CAMK4: variants seen among roughly 807,000 people sequenced by gnomAD.
CAMK4 encodes the protein calcium/calmodulin dependent protein kinase IV.
Under a neutral mutation model 44.9 loss-of-function variants are expected in CAMK4, and 22 were observed. The observed-to-expected ratio is 0.49, with a 90% CI of 0.35 to 0.70. The LOEUF (loss-of-function observed/expected upper bound fraction) is 0.70, where lower values mean the gene tolerates loss of function less well. Among genes scored for constraint, CAMK4 ranks in the 30% least tolerant of loss-of-function variants. CAMK4 has a pLI of 0.01. For missense variants in CAMK4, 498 were observed against 586.8 expected (o/e 0.85, Z 1.56); for synonymous variants, 218 against 215.4 (o/e 1.01, Z -0.11).
At position 111,451,732 on chromosome 5, in the gene CAMK4, A is replaced by G. The variant is rs1754244390; in HGVS notation, c.625+2529A>G. On this transcript the variant is annotated intron_variant, in intron 7 of 10. Coordinates refer to ENST00000282356, the MANE Select transcript of CAMK4 (RefSeq NM_001744.6). ...GAGCCTGGCCAACATGGTGAAAAAA[A>G]AAACAACAACAAAATAATTAGCTGG... Among the ~76,000 whole-genome samples, 3 of 152,218 alleles carry G rather than the reference A, an allele frequency of 2.0e-5. No homozygotes were observed. In the South Asian group the frequency reaches 6.2e-4, roughly 32 times the overall value.
At chr5:111,413,471 AGAGGCT>A (rs541628003) in intron 5 of CAMK4, among the ~76,000 whole-genome samples, 1 of 151,866 alleles carries the variant, frequency 6.6e-6, no homozygotes, top group African/African-American at 2.4e-5. Flanking sequence ...CAGCTACTAG[AGAGGCT>A]GAGGCAGAAG....
chr5:111,425,877 A>G (rs1398489743), intron 5 of CAMK4, among the ~76,000 whole-genome samples: 2 of 152,208 alleles, frequency 1.3e-5, no homozygotes, highest in Non-Finnish European at 2.9e-5. Context: ...GAAATGTATC[A>G]CGAGTTCTAA....
chr5:111,275,945 A>G (rs1175859531), intron 1 of CAMK4, among the ~76,000 whole-genome samples: 3 of 152,144 alleles, frequency 2.0e-5, no homozygotes, highest in African/African-American at 7.2e-5. Context: ...AGAGAATTTT[A>G]AGTTCAAAGT....
In CAMK4 at chr5:111,487,642, T is replaced by C. The variant is rs1156404567; in HGVS notation, c.*3176T>C. Reference sequence around the variant, plus strand: ...AATATTAAAATTTAATGTGATATTTTGAATTCTTTATTTTTATACTGTTTT... The same window carrying C: ...AATATTAAAATTTAATGTGATATTTCGAATTCTTTATTTTTATACTGTTTT... On this transcript the variant is annotated 3_prime_UTR_variant, in exon 11 of 11. Transcript: ENST00000282356. The C allele has an allele frequency of 6.6e-6, 1 of 152,230 alleles. No homozygotes were observed. The highest frequency in any genetic ancestry group is 1.5e-5 in the Non-Finnish European group (1 of 68,044). 9.4% of individuals were successfully genotyped at this position (152,230 alleles called of 1,614,324 possible). A position where few individuals can be genotyped will look rare whatever the true frequency, so the allele number is the denominator to read the frequency against.
intron 4 of CAMK4, among the ~76,000 whole-genome samples, chr5:111,391,523 T>TAA (rs879774691): frequency 5.6e-5 from 8 of 143,490 alleles, no homozygotes; most frequent in African/African-American, 7.7e-5. Context: ...AGAACACCCA[T>TAA]AAAAAAAAAA....
rs776287870 is a variant in CAMK4, at chr5:111,326,562, TA to T, written c.162-17453del. Among the ~76,000 whole-genome samples, 36 of 150,160 alleles carry T rather than the reference TA, an allele frequency of 2.4e-4. 1 individual carries two copies. The highest frequency in any genetic ancestry group is 3.2e-4 in the African/African-American group (13 of 41,092). The stretch of plus-strand genomic sequence containing the variant: ...TATTACACAATCTTTTGCAGAAAAT[TA>T]AAAAAAAATCTTCCACCTTTTTTTT... On this transcript the variant is annotated intron_variant, in intron 1 of 10. Transcript: ENST00000282356.
At chr5:111,344,163 A>C in intron 2 of CAMK4, 61 bp downstream of exon 2, 2 of 1,012,610 alleles carry the variant, frequency 2.0e-6, no homozygotes, top group Middle Eastern at 2.1e-4. Flanking sequence ...GAAGGCAGGA[A>C]CCTGATTTGA....
rs1491460124 is a variant in CAMK4, at chr5:111,336,479, TTA to T, written c.162-7543_162-7542del. 5.0e-4 allele frequency among the ~76,000 whole-genome samples: 56 copies of T among 111,708 alleles called. 3 individuals carry two copies. The South Asian group carries it at 0.013, about 25-fold the overall frequency. 73.3% of individuals were successfully genotyped at this position (111,708 alleles called of 152,430 possible). A position where few individuals can be genotyped will look rare whatever the true frequency, so the allele number is the denominator to read the frequency against. On this transcript the variant is annotated intron_variant, in intron 1 of 10. Transcript: ENST00000282356. Reference sequence around the variant, plus strand: ...ATTTAATTTCAATTAATAATATAGGTTATTTTTTTGAGAAACTGTTGAATTGT... The same window carrying T: ...ATTTAATTTCAATTAATAATATAGGTTTTTTTTGAGAAACTGTTGAATTGT...
Position 111,448,649 on chromosome 5 carries a change from C to A in CAMK4, c.551-480C>A, listed in dbSNP as rs542944164. 7.2e-5 allele frequency among the ~76,000 whole-genome samples: 11 copies of A among 152,044 alleles called. No homozygotes were observed. The South Asian group carries it at 1.2e-3, about 17-fold the overall frequency. On this transcript the variant is annotated intron_variant, in intron 6 of 10. Transcript: ENST00000282356. The stretch of plus-strand genomic sequence containing the variant: ...TGAAACTCCGTCTCTACTAAAAATA[C>A]AAAAAAATTAGCCGGGTGTGGTGGC...
chr5:111,292,697 G>A (rs1446390257), intron 1 of CAMK4, among the ~76,000 whole-genome samples: 1 of 152,042 alleles, frequency 6.6e-6, no homozygotes, highest in African/African-American at 2.4e-5. Context: ...TGGGGTGGGA[G>A]GATCACTTGA....
chr5:111,245,193 T>C (rs142062757), intron 1 of CAMK4, among the ~76,000 whole-genome samples: 127 of 152,320 alleles, frequency 8.3e-4, no homozygotes, highest in African/African-American at 2.8e-3. Flanking sequence ...GAAATATCTT[T>C]GATATTTATT....
chr5:111,328,575 G>A (rs1157812590), intron 1 of CAMK4, among the ~76,000 whole-genome samples: 2 of 152,034 alleles, frequency 1.3e-5, no homozygotes, highest in Non-Finnish European at 2.9e-5. Context: ...GATGGGGATG[G>A]CATTGAATCT....
intron 8 of CAMK4, 67 bp downstream of exon 8, chr5:111,473,453 A>C: frequency 3.1e-6 from 3 of 978,034 alleles, no homozygotes; most frequent in Non-Finnish European, 4.8e-6. Flanking sequence ...AGATACCTCT[A>C]ATGCTCATAA....
intron 4 of CAMK4, among the ~76,000 whole-genome samples, chr5:111,392,043 C>G (rs542966638): frequency 4.4e-5 from 2 of 45,966 alleles, no homozygotes; most frequent in East Asian, 2.3e-3. Flanking sequence ...TTATCTTTTT[C>G]AAGCTGTTCT....
chr5:111,230,834 A>G (rs572342230), intron 1 of CAMK4, among the ~76,000 whole-genome samples: 1 of 151,900 alleles, frequency 6.6e-6, no homozygotes, highest in South Asian at 2.1e-4. Context: ...AAAAAAATAA[A>G]GGGTTTTTTA....
intron 5 of CAMK4, among the ~76,000 whole-genome samples, chr5:111,400,988 T>C (rs573167581): frequency 6.6e-6 from 1 of 152,202 alleles, no homozygotes; most frequent in African/African-American, 2.4e-5. Flanking sequence ...CAAAACATCA[T>C]CATCCCCTAC....
At chr5:111,348,363 G>A (rs1433021084) in intron 2 of CAMK4, among the ~76,000 whole-genome samples, 1 of 151,934 alleles carries the variant, frequency 6.6e-6, no homozygotes, top group African/African-American at 2.4e-5. Flanking sequence ...ATCTTATGGT[G>A]GTCAGGTGCA....
chr5:111,424,601 C>T (rs372866660), intron 5 of CAMK4, among the ~76,000 whole-genome samples: 107 of 151,456 alleles, frequency 7.1e-4, no homozygotes, highest in Middle Eastern at 3.4e-3. Flanking sequence ...CCCACCACCA[C>T]GCCCGGCTAA....
rs113504106 is a variant in CAMK4 at position 111,224,952 on chromosome 5, A to G, written c.161+308A>G. ...CACGTGGGCCCTGCTTTCCCAATTG[A>G]TATCTTTGCTCACGATTATAGCTTG... On this transcript the variant is annotated intron_variant, in intron 1 of 10. Coordinates refer to ENST00000282356, the MANE Select transcript of CAMK4 (RefSeq NM_001744.6). The surrounding 1 kb of genome is among the most constrained non-coding windows in gnomAD (Gnocchi z 5.7). Among the ~76,000 whole-genome samples, 22 of 151,076 alleles carry G rather than the reference A, an allele frequency of 1.5e-4. No homozygotes were observed. The highest frequency in any genetic ancestry group is 5.3e-4 in the African/African-American group (22 of 41,204).
Sources: allele counts gnomAD v4.1 joint callset (sites outside exome capture counted in the v4.1 genomes callset), GRCh38; gene constraint gnomAD v4.1.1; non-coding constraint Gnocchi (gnomAD v3.1); transcripts MANE v1.5; gene names NCBI Gene and HGNC (gene_info 2026-07-23, HGNC 2026-07-21).